The following AFF2 variants were observed in gnomAD, a reference collection of about 807,000 sequenced individuals.
The protein encoded by AFF2 is AF4/FMR2 family member 2.
A neutral mutation model predicts 76.9 loss-of-function variants in AFF2; 14 were observed. The observed-to-expected ratio is 0.18, with a 90% confidence interval of 0.12 to 0.28. The LOEUF (loss-of-function observed/expected upper bound fraction) is 0.28, where lower values mean the gene tolerates loss of function less well. Ranked by LOEUF, AFF2 falls within the 10% of genes least tolerant of loss-of-function variation. The probability of loss-of-function intolerance (pLI) is 1.00; values close to 1 mark genes in which losing one functional copy is unlikely to be tolerated. For synonymous variants in AFF2, 398 were observed against 366.7 expected (o/e 1.09, Z -0.98); for missense variants, 868 against 1,001.1 (o/e 0.87, Z 1.79).
chrX:148,764,575 A>C (rs1389566902), intron 3 of AFF2, among the ~76,000 whole-genome samples: 2 of 111,917 alleles, frequency 1.8e-5, no homozygotes, highest in Non-Finnish European at 3.8e-5. Context: ...GCTTTGTTTT[A>C]TTTCTATTTT....
In AFF2 at chrX:148,966,787, C is replaced by A. The variant is rs1326330606; in HGVS notation, c.2914-3C>A. 3 of 1,207,884 alleles carry A rather than the reference C, an allele frequency of 2.5e-6. No individual in the cohort carries two copies. Among genetic ancestry groups the A allele is most frequent in the Non-Finnish European group, 3.4e-6 (3 of 893,442 alleles). ...GGAAACTATTTGTCCTCCTTTTTCC[C>A]AGGAGGGAGACACTCCAAAAAAGGC... On this transcript the variant is annotated splice_region_variant and splice_polypyrimidine_tract_variant and intron_variant, in intron 13 of 20. Transcript: ENST00000370460.
intron 1 of AFF2, among the ~76,000 whole-genome samples, chrX:148,517,199 C>G (rs2052545364): frequency 9.0e-6 from 1 of 111,320 alleles, no homozygotes; most frequent in Non-Finnish European, 1.9e-5. Flanking sequence ...TCTAAGATGC[C>G]CTAGATCATA....
chrX:148,507,070 G>A (rs2052427984), intron 1 of AFF2, among the ~76,000 whole-genome samples: 1 of 112,280 alleles, frequency 8.9e-6, no homozygotes, highest in Admixed American at 9.4e-5. Context: ...ATAAACATCT[G>A]TTGATTGATG....
At chrX:148,781,154 G>T (rs935516875) in intron 3 of AFF2, among the ~76,000 whole-genome samples, 13 of 111,903 alleles carry the variant, frequency 1.2e-4, no homozygotes, top group African/African-American at 3.9e-4. Context: ...CCAGATTCCA[G>T]CTGGAGCTCT....
chrX:148,929,220 G>C (rs1557284109), intron 9 of AFF2, among the ~76,000 whole-genome samples: 1 of 112,446 alleles, frequency 8.9e-6, no homozygotes, highest in African/African-American at 3.2e-5. Flanking sequence ...ATGATTCACT[G>C]TTGATTATAA....
chrX:148,833,516 C>T lies in AFF2; in HGVS notation c.1087-4131C>T, dbSNP rs190456801. On this transcript the variant is annotated intron_variant, in intron 4 of 20. Transcript: ENST00000370460. ...ACTTGGGAGGCTGAGGCAGGAGAAT[C>T]GCTGGAACCTGGGAGGCACAGGTTG... Among the ~76,000 whole-genome samples, 888 of 109,101 alleles carry T rather than the reference C, an allele frequency of 8.1e-3. 27 individuals are homozygous for T. Among genetic ancestry groups the T allele is most frequent in the Admixed American group, 0.076 (766 of 10,141 alleles). 94.7% of individuals were successfully genotyped at this position (109,101 alleles called of 115,157 possible). A position where few individuals can be genotyped will look rare whatever the true frequency, so the allele number is the denominator to read the frequency against.
chrX:148,842,588 A>C (rs1293089519), intron 5 of AFF2, among the ~76,000 whole-genome samples: 1 of 112,273 alleles, frequency 8.9e-6, no homozygotes, highest in African/African-American at 3.2e-5. Flanking sequence ...AGTCCTCTTT[A>C]TTCTTTTAGA....
intron 12 of AFF2, among the ~76,000 whole-genome samples, chrX:148,960,557 G>A (rs1557287896): frequency 1.8e-5 from 2 of 112,703 alleles, no homozygotes; most frequent in Non-Finnish European, 3.8e-5. Flanking sequence ...TTCTGGAGTT[G>A]AAGAAGAATG....
intron 3 of AFF2, among the ~76,000 whole-genome samples, chrX:148,777,633 C>T (rs2069684016): frequency 8.9e-6 from 1 of 111,785 alleles, no homozygotes; most frequent in South Asian, 3.7e-4. Context: ...GGAATTCACT[C>T]ATGATTTGGC....
intron 9 of AFF2, among the ~76,000 whole-genome samples, chrX:148,926,271 C>T (rs1426818328): frequency 8.9e-6 from 1 of 112,194 alleles, no homozygotes; most frequent in Non-Finnish European, 1.9e-5. Context: ...CATTTTAGGC[C>T]GAGGCTTGCT....
chrX:148,651,699 G>T (rs2054203214), intron 1 of AFF2, among the ~76,000 whole-genome samples: 1 of 105,430 alleles, frequency 9.5e-6, no homozygotes, highest in Admixed American at 1.1e-4. Context: ...TGACTTTTGG[G>T]GAGTATGTAA....
In AFF2 at chrX:148,765,212, T is replaced by A. The variant is rs1388309663; in HGVS notation, c.1042-44664T>A. 6.3e-5 allele frequency among the ~76,000 whole-genome samples: 7 copies of A among 111,700 alleles called. No homozygotes were observed. The East Asian group carries it at 1.7e-3, about 27-fold the overall frequency. On this transcript the variant is annotated intron_variant, in intron 3 of 20. Transcript: ENST00000370460. ...ATCTTAGCTTTTCTTTACCTCTTGT[T>A]CTGTTACTCTTTTCTTATTTTCTTT...
intron 1 of AFF2, among the ~76,000 whole-genome samples, chrX:148,564,719 A>C (rs1345015089): frequency 9.0e-6 from 1 of 111,455 alleles, no homozygotes; most frequent in African/African-American, 3.3e-5. Flanking sequence ...CAGTCTCCCC[A>C]AAGCAGCCTT....
chrX:148,801,955 C>G (rs2070065188), intron 3 of AFF2, among the ~76,000 whole-genome samples: 1 of 111,726 alleles, frequency 9.0e-6, no homozygotes, highest in South Asian at 3.8e-4. Context: ...CTAGATATTG[C>G]TAAAGCCAAT....
chrX:148,550,872 G>T lies in AFF2; in HGVS notation c.47+49728G>T, dbSNP rs181016528. Among the ~76,000 whole-genome samples, 34 of 109,911 alleles carry T rather than the reference G, an allele frequency of 3.1e-4. No homozygotes were observed. The East Asian group carries it at 8.9e-3, about 29-fold the overall frequency. On this transcript the variant is annotated intron_variant, in intron 1 of 20. Transcript: ENST00000370460. ...AAAGAACATGTATATGTGAATCAGG[G>T]TTTCTTAATTTTGGCACCACTGACA...
At chrX:148,574,039 A>G (rs1378566729) in intron 1 of AFF2, among the ~76,000 whole-genome samples, 5 of 111,145 alleles carry the variant, frequency 4.5e-5, no homozygotes, top group African/African-American at 1.3e-4. Context: ...AAATATAGAG[A>G]GATAGTTGAG....
At chrX:148,704,139 G>A (rs2054836653) in intron 3 of AFF2, among the ~76,000 whole-genome samples, 2 of 89,547 alleles carry the variant, frequency 2.2e-5, no homozygotes, top group Admixed American at 2.8e-4. Context: ...TATGATTAGG[G>A]TGACTGCAAG....
chrX:148,853,093 C>G (rs1330905652), intron 7 of AFF2, among the ~76,000 whole-genome samples: 1 of 110,978 alleles, frequency 9.0e-6, no homozygotes, highest in Non-Finnish European at 1.9e-5. Flanking sequence ...TTTTTAATAC[C>G]CTGTTTGCCT....
At chrX:148,665,256 C>T (rs1479933518) in intron 3 of AFF2, among the ~76,000 whole-genome samples, 5 of 112,067 alleles carry the variant, frequency 4.5e-5, no homozygotes, top group Non-Finnish European at 9.4e-5. Flanking sequence ...TGCTCTGGCA[C>T]ACCAACGAGA....
Sources: gnomAD v4.1 joint callset for allele counts (sites outside exome capture counted in the v4.1 genomes callset) on GRCh38, gnomAD v4.1.1 for gene constraint, MANE v1.5 for transcripts, NCBI Gene and HGNC (gene_info 2026-07-23, HGNC 2026-07-21) for gene names.